Variants in KIAA1217 observed in about 807,000 individuals in gnomAD.
KIAA1217 encodes KIAA1217.
KIAA1217 carries 88 observed loss-of-function variants against 163.9 expected under a neutral mutation model. That is an observed-to-expected ratio of 0.54 (90% CI 0.45 to 0.64). The LOEUF (loss-of-function observed/expected upper bound fraction) is 0.64. KIAA1217 is among the 30% of genes least tolerant of loss of function. KIAA1217 has a pLI of 0.00. For synonymous variants in KIAA1217, 903 were observed against 923.1 expected (o/e 0.98, Z 0.39); for missense variants, 2,372 against 2,475.0 (o/e 0.96, Z 0.88).
intron 2 of KIAA1217, among the ~76,000 whole-genome samples, chr10:24,177,047 C>T (rs950255309): frequency 1.3e-5 from 2 of 151,642 alleles, no homozygotes; most frequent in African/African-American, 4.8e-5. Context: ...CTGTGCCCAC[C>T]ATGCACAGCC....
chr10:24,346,023 G>C (rs1591173245), intron 2 of KIAA1217, among the ~76,000 whole-genome samples: 1 of 152,184 alleles, frequency 6.6e-6, no homozygotes, highest in East Asian at 1.9e-4. Flanking sequence ...CTGTGAGCTT[G>C]ACTATTCTAG....
At chr10:24,262,388 G>A (rs1417768360) in intron 2 of KIAA1217, among the ~76,000 whole-genome samples, 2 of 152,176 alleles carry the variant, frequency 1.3e-5, no homozygotes, top group Non-Finnish European at 2.9e-5. Context: ...AGCACTTTGG[G>A]AGGCCGAGGT....
chr10:24,067,501 G>A (rs2061001736), intron 2 of KIAA1217, among the ~76,000 whole-genome samples: 1 of 152,154 alleles, frequency 6.6e-6, no homozygotes, highest in Admixed American at 6.5e-5. Context: ...CGCTCCTCTG[G>A]AAGTTTTGTC....
chr10:24,075,834 C>A (rs192466911), intron 2 of KIAA1217, among the ~76,000 whole-genome samples: 1 of 152,240 alleles, frequency 6.6e-6, no homozygotes, highest in South Asian at 2.1e-4. Context: ...GAACTCCTGA[C>A]CTCAAGTAAT....
In KIAA1217 at chr10:23,897,998, T is replaced by C. The variant is rs563907789; in HGVS notation, c.-320-109227T>C. Among the ~76,000 whole-genome samples the C allele has an allele frequency of 5.3e-5, 8 of 152,110 alleles. No individual in the cohort carries two copies. The South Asian group carries it at 1.5e-3, about 28-fold the overall frequency. On this transcript the variant is annotated intron_variant, in intron 1 of 18. Coordinates refer to the KIAA1217 transcript ENST00000376462. ...TCTTACAAGTAGACTTCTATTTTGGTTGAGGCTAATAGTGAGTGTTAGGAG... is the reference window on the plus strand; with the variant it reads ...TCTTACAAGTAGACTTCTATTTTGGCTGAGGCTAATAGTGAGTGTTAGGAG...
chr10:23,747,945 G>A lies in KIAA1217; in HGVS notation c.-321+52711G>A, dbSNP rs141003150. On this transcript the variant is annotated intron_variant, in intron 1 of 18. Transcript: ENST00000376462. The stretch of plus-strand genomic sequence containing the variant: ...TCCTCCCTTATCCCCAGGAGTGACT[G>A]TTGTGCGCTACACCTGGATTCCCTG... 2.6e-5 allele frequency among the ~76,000 whole-genome samples: 4 copies of A among 152,296 alleles called. No individual in the cohort carries two copies. In the East Asian group the frequency reaches 7.7e-4, roughly 29 times the overall value.
chr10:23,732,653 C>T (rs1374515406), intron 1 of KIAA1217, among the ~76,000 whole-genome samples: 1 of 152,022 alleles, frequency 6.6e-6, no homozygotes, highest in Non-Finnish European at 1.5e-5. Flanking sequence ...TGATGTCTCT[C>T]CTAATTTTTA....
chr10:24,449,699 G>A (rs1191372462), intron 5 of KIAA1217: 1 of 985,300 alleles, frequency 1.0e-6, no homozygotes, highest in East Asian at 1.1e-4. Flanking sequence ...AGAGAGGGGT[G>A]GTTTCGAGGT....
chr10:24,212,454 T>C (rs1266740243), intron 1 of KIAA1217, among the ~76,000 whole-genome samples: 1 of 152,082 alleles, frequency 6.6e-6, no homozygotes, highest in African/African-American at 2.4e-5. Flanking sequence ...TCCCCTAAGA[T>C]TGAATCTGTG....
chr10:24,496,608 T>C (rs988802416), intron 8 of KIAA1217, among the ~76,000 whole-genome samples: 2 of 152,214 alleles, frequency 1.3e-5, no homozygotes, highest in African/African-American at 4.8e-5. Context: ...TATGCACTTT[T>C]CATGCATTCA....
intron 1 of KIAA1217, among the ~76,000 whole-genome samples, chr10:23,791,803 A>C (rs1835962100): frequency 6.6e-6 from 1 of 152,228 alleles, no homozygotes; most frequent in Non-Finnish European, 1.5e-5. Context: ...TGAGAATTTT[A>C]CTGGGAGTTA....
chr10:23,789,976 T>C (rs149644185), intron 1 of KIAA1217, among the ~76,000 whole-genome samples: 9,056 of 89,048 alleles, frequency 0.1, 1,654 homozygotes, highest in Admixed American at 0.12. Flanking sequence ...TACATATACA[T>C]ATATACACAT....
chr10:23,755,672 T>C (rs1315220118), intron 1 of KIAA1217, among the ~76,000 whole-genome samples: 1 of 152,156 alleles, frequency 6.6e-6, no homozygotes, highest in Non-Finnish European at 1.5e-5. Flanking sequence ...TAATAGGTTA[T>C]TGTGGAAGGA....
rs772481002 is a variant in KIAA1217 at position 24,543,778 on chromosome 10, A to G, written c.4508A>G (p.His1503Arg). ...VQNNNTSQMS[H>R]KKVAPGNLRT... ...AATAATAACACTTCCCAGATGTCTC[A>G]TAAGAAGGTGGCCCCAGGCAATCTT... The change falls in exon 19 of 21, where the codon CAT becomes CGT. Residue 1503 changes from histidine (H) to arginine (R), a missense_variant. Coordinates refer to ENST00000376454, the MANE Select transcript of KIAA1217 (RefSeq NM_019590.5). The G allele has an allele frequency of 2.5e-6, 4 of 1,612,864 alleles. No homozygotes were observed. The East Asian group carries it at 8.9e-5, about 36-fold the overall frequency.
intron 2 of KIAA1217, among the ~76,000 whole-genome samples, chr10:24,118,564 C>T (rs980555247): frequency 6.6e-6 from 1 of 152,194 alleles, no homozygotes; most frequent in East Asian, 1.9e-4. Flanking sequence ...TGTAAAACAG[C>T]ACCGGGCTGA....
intron 2 of KIAA1217, among the ~76,000 whole-genome samples, chr10:24,305,160 T>C (rs775850599): frequency 1.8e-4 from 27 of 152,056 alleles, no homozygotes; most frequent in Non-Finnish European, 3.2e-4. Context: ...AGCAGAAACA[T>C]TGGTGATGGA....
chr10:23,757,223 T>C (rs192748294), intron 1 of KIAA1217, among the ~76,000 whole-genome samples: 3 of 152,298 alleles, frequency 2.0e-5, no homozygotes, highest in Admixed American at 2.0e-4. Context: ...TTAAACTCTT[T>C]TGGGTATATA....
intron 1 of KIAA1217, among the ~76,000 whole-genome samples, chr10:23,963,737 G>C (rs1000530163): frequency 6.6e-6 from 1 of 152,126 alleles, no homozygotes; most frequent in Admixed American, 6.5e-5. Flanking sequence ...CACCAACAGT[G>C]TAAAAGCGTT....
chr10:23,826,803 C>T (rs1837920595), intron 1 of KIAA1217, among the ~76,000 whole-genome samples: 1 of 152,178 alleles, frequency 6.6e-6, no homozygotes, highest in South Asian at 2.1e-4. Flanking sequence ...TGTAAACTCC[C>T]CACATGCAAT....
Sources: gnomAD v4.1 joint callset for allele counts (sites outside exome capture counted in the v4.1 genomes callset) on GRCh38, gnomAD v4.1.1 for gene constraint, MANE v1.5 for transcripts, NCBI Gene and HGNC (gene_info 2026-07-23, HGNC 2026-07-21) for gene names.